Variants in PIBF1 observed in about 807,000 individuals in gnomAD.
PIBF1 encodes progesterone-induced-blocking factor 1.
A neutral mutation model predicts 112.5 loss-of-function variants in PIBF1; 90 were observed. The observed-to-expected ratio is 0.80, with a 90% confidence interval of 0.67 to 0.95. The LOEUF (loss-of-function observed/expected upper bound fraction) is 0.95. Among genes scored for constraint, PIBF1 ranks in the 40% least tolerant of loss-of-function variants. The pLI is 0.00. For synonymous variants in PIBF1, 301 were observed against 288.6 expected (o/e 1.04, Z -0.44); for missense variants, 915 against 852.3 (o/e 1.07, Z -0.92).
intron 14 of PIBF1, among the ~76,000 whole-genome samples, chr13:72,943,290 C>A (rs2138824261): frequency 6.6e-6 from 1 of 152,144 alleles, no homozygotes; most frequent in South Asian, 2.1e-4. Flanking sequence ...TGTTTAATTG[C>A]ACAATAGGAT....
chr13:72,880,435 A>G (rs1185000806), intron 10 of PIBF1, among the ~76,000 whole-genome samples: 1 of 152,246 alleles, frequency 6.6e-6, no homozygotes, highest in East Asian at 1.9e-4. Context: ...GCTTTGGCAA[A>G]CTTGAATGTT....
At chr13:72,859,887 A>G (rs574895733) in intron 10 of PIBF1, among the ~76,000 whole-genome samples, 1 of 152,320 alleles carries the variant, frequency 6.6e-6, no homozygotes, top group Admixed American at 6.5e-5. Context: ...AAAAGATTCA[A>G]AAGTGCCCTA....
At chr13:72,818,015 T>C (rs1469060942) in intron 5 of PIBF1, among the ~76,000 whole-genome samples, 1 of 152,124 alleles carries the variant, frequency 6.6e-6, no homozygotes, top group Admixed American at 6.6e-5. Flanking sequence ...TAGACTTGCT[T>C]CTGTTTATAC....
chr13:72,806,819 A>G (rs912584754), intron 5 of PIBF1, among the ~76,000 whole-genome samples: 1 of 152,204 alleles, frequency 6.6e-6, no homozygotes, highest in African/African-American at 2.4e-5. Context: ...CAGTGCCACA[A>G]TAAACATGTG....
At chr13:72,854,985 A>G (rs1259468113) in intron 10 of PIBF1, among the ~76,000 whole-genome samples, 2 of 152,220 alleles carry the variant, frequency 1.3e-5, no homozygotes, top group Non-Finnish European at 2.9e-5. Context: ...TTACTTCATT[A>G]AACATTCTAC....
chr13:72,950,227 G>T (rs17283860), intron 14 of PIBF1, among the ~76,000 whole-genome samples: 5 of 151,890 alleles, frequency 3.3e-5, no homozygotes, highest in African/African-American at 1.2e-4. Context: ...CTATTCCTCC[G>T]AATTATTTAT....
chr13:72,988,707 T>C (rs1043671609), intron 16 of PIBF1, among the ~76,000 whole-genome samples: 1 of 152,220 alleles, frequency 6.6e-6, no homozygotes, highest in East Asian at 1.9e-4. Context: ...AAAAAATTTT[T>C]ATCTGTTAAA....
chr13:72,896,404 C>T (rs984811432), intron 11 of PIBF1, among the ~76,000 whole-genome samples: 7 of 152,072 alleles, frequency 4.6e-5, no homozygotes, highest in South Asian at 2.1e-4. Context: ...CTCTTCATGA[C>T]CCTCCAAAAA....
At chr13:72,845,562 C>G (rs993228573) in intron 9 of PIBF1, among the ~76,000 whole-genome samples, 2 of 152,118 alleles carry the variant, frequency 1.3e-5, no homozygotes, top group African/African-American at 4.8e-5. Flanking sequence ...AATGTTATTT[C>G]TTCTTGTAGA....
chr13:72,941,958 A>G (rs920833963), intron 14 of PIBF1, among the ~76,000 whole-genome samples: 9 of 152,178 alleles, frequency 5.9e-5, no homozygotes, highest in Non-Finnish European at 1.3e-4. Flanking sequence ...CACAAATACC[A>G]CTAGTCATGG....
intron 2 of PIBF1, among the ~76,000 whole-genome samples, chr13:72,784,620 T>C (rs147153287): frequency 0.02 from 3,071 of 151,762 alleles, 60 homozygotes; most frequent in Non-Finnish European, 0.027. Flanking sequence ...TAGCCCCGCG[T>C]AGTGGTGCTG....
At chr13:72,815,683 C>A (rs571722704) in intron 5 of PIBF1, among the ~76,000 whole-genome samples, 128 of 152,170 alleles carry the variant, frequency 8.4e-4, no homozygotes, top group African/African-American at 3.0e-3. Flanking sequence ...ATCTATATTT[C>A]CAGACAAGGT....
intron 15 of PIBF1, among the ~76,000 whole-genome samples, chr13:72,968,897 C>T (rs1340379119): frequency 6.6e-6 from 1 of 151,704 alleles, no homozygotes; most frequent in South Asian, 2.1e-4. Flanking sequence ...GAAAAATTTG[C>T]CAGTGTGATG....
At chr13:72,995,726 T>G (rs989684698) in intron 16 of PIBF1, among the ~76,000 whole-genome samples, 6 of 151,096 alleles carry the variant, frequency 4.0e-5, no homozygotes, top group African/African-American at 1.5e-4. Flanking sequence ...CCGAGGCGAG[T>G]GGATCACGAG....
intron 8 of PIBF1, among the ~76,000 whole-genome samples, chr13:72,832,753 T>C (rs1225793349): frequency 6.6e-6 from 1 of 152,192 alleles, no homozygotes; most frequent in Non-Finnish European, 1.5e-5. Context: ...TGTGTTAGTG[T>C]TGCTCTTCTC....
chr13:72,822,601 A>C (rs533551627), intron 6 of PIBF1, among the ~76,000 whole-genome samples: 1 of 152,342 alleles, frequency 6.6e-6, no homozygotes, highest in Admixed American at 6.5e-5. Flanking sequence ...GCCTTTAAAT[A>C]TATATGTACT....
intron 15 of PIBF1, among the ~76,000 whole-genome samples, 166 bp downstream of exon 15, chr13:72,965,570 A>T (rs868634258): frequency 1.4e-4 from 21 of 152,236 alleles, no homozygotes; most frequent in African/African-American, 5.1e-4. Context: ...GTCACATCAC[A>T]TCAGGTGTTC....
At chr13:72,983,442 C>A (rs1156856583) in intron 16 of PIBF1, among the ~76,000 whole-genome samples, 1 of 152,192 alleles carries the variant, frequency 6.6e-6, no homozygotes, top group Non-Finnish European at 1.5e-5. Flanking sequence ...TTACTAAGTA[C>A]TTAGAATGTA....
At chr13:72,848,617 G>A (rs1302921516) in intron 9 of PIBF1, among the ~76,000 whole-genome samples, 2 of 152,048 alleles carry the variant, frequency 1.3e-5, no homozygotes, top group African/African-American at 2.4e-5. Flanking sequence ...AGGCCGAGGC[G>A]GGCGGATCAC....
Sources: allele counts gnomAD v4.1 joint callset (sites outside exome capture counted in the v4.1 genomes callset), GRCh38; gene constraint gnomAD v4.1.1; transcripts MANE v1.5; gene names NCBI Gene and HGNC (gene_info 2026-07-23, HGNC 2026-07-21).